Variants in LPGAT1 observed in about 807,000 individuals in gnomAD.
LPGAT1 encodes the protein acyl-CoA:lysophosphatidylglycerol acyltransferase 1.
LPGAT1 carries 11 observed loss-of-function variants against 47.5 expected under a neutral mutation model. The ratio of observed to expected loss-of-function variants is 0.23; its 90% confidence interval spans 0.15 to 0.38. The LOEUF is 0.38. Among genes scored for constraint, LPGAT1 ranks in the 10% least tolerant of loss-of-function variants. The pLI, the probability that LPGAT1 is intolerant of heterozygous loss-of-function variation, is 1.00. For synonymous variants in LPGAT1, 138 were observed against 144.2 expected (o/e 0.96, Z 0.31); for missense variants, 293 against 439.0 (o/e 0.67, Z 2.97).
chr1:211,781,491 T>A (rs951311553), intron 5 of LPGAT1, among the ~76,000 whole-genome samples: 1 of 152,210 alleles, frequency 6.6e-6, no homozygotes, highest in Non-Finnish European at 1.5e-5. Context: ...CCTTTTCTAT[T>A]AAAAGACTCT....
chr1:211,763,728 A>G (rs1323337826), intron 6 of LPGAT1, among the ~76,000 whole-genome samples: 1 of 152,218 alleles, frequency 6.6e-6, no homozygotes, highest in African/African-American at 2.4e-5. Context: ...TTCCATATAG[A>G]TTATAAATGT....
At chr1:211,792,819 C>A (rs932627760) in intron 3 of LPGAT1, among the ~76,000 whole-genome samples, 10 of 141,380 alleles carry the variant, frequency 7.1e-5, no homozygotes, top group African/African-American at 2.6e-4. Context: ...TCAAGCAATT[C>A]TCTTGCCTCA....
intron 3 of LPGAT1, among the ~76,000 whole-genome samples, chr1:211,789,657 G>A (rs1467876943): frequency 6.6e-6 from 1 of 152,042 alleles, no homozygotes; most frequent in Non-Finnish European, 1.5e-5. Flanking sequence ...TGAGGTGGGC[G>A]GATCACGAGG....
At chr1:211,790,002 G>C (rs748297337) in intron 3 of LPGAT1, among the ~76,000 whole-genome samples, 29 of 152,112 alleles carry the variant, frequency 1.9e-4, no homozygotes, top group Non-Finnish European at 3.7e-4. Flanking sequence ...CTGTCCCTCA[G>C]AACTTTTCCA....
intron 2 of LPGAT1, among the ~76,000 whole-genome samples, chr1:211,826,778 C>T (rs540426162): frequency 3.8e-4 from 58 of 152,170 alleles, no homozygotes; most frequent in African/African-American, 1.4e-3. Flanking sequence ...AAAGTTTTGG[C>T]AATTTTTATT....
At chr1:211,791,890 A>G (rs1193205459) in intron 3 of LPGAT1, among the ~76,000 whole-genome samples, 2 of 151,100 alleles carry the variant, frequency 1.3e-5, no homozygotes, top group African/African-American at 2.4e-5. Context: ...TACACTTCCT[A>G]TAGTCACTGA....
intron 6 of LPGAT1, among the ~76,000 whole-genome samples, chr1:211,766,596 T>C (rs1657926391): frequency 6.6e-6 from 1 of 152,220 alleles, no homozygotes; most frequent in South Asian, 2.1e-4. Context: ...GATGATGGGA[T>C]GTGAAAACAA....
chr1:211,799,890 A>T (rs1659503029), intron 2 of LPGAT1, among the ~76,000 whole-genome samples: 1 of 152,150 alleles, frequency 6.6e-6, no homozygotes, highest in Non-Finnish European at 1.5e-5. Context: ...CTGTTCACCC[A>T]GTCATCTGAA....
Position 211,745,176 on chromosome 1 carries a change from G to T in LPGAT1, c.*4723C>A, listed in dbSNP as rs1240669720. 2.0e-5 allele frequency: 3 copies of T among 152,578 alleles called. No individual in the cohort carries two copies. The highest frequency in any genetic ancestry group is 7.2e-5 in the African/African-American group (3 of 41,418). 9.5% of individuals were successfully genotyped at this position (152,578 alleles called of 1,614,324 possible). A position where few individuals can be genotyped will look rare whatever the true frequency, so the allele number is the denominator to read the frequency against. On this transcript the variant is annotated 3_prime_UTR_variant, in exon 8 of 8. Transcript: ENST00000366997. ...CAGCCCTTTACAAAAATTAATTACAGTTGCCACAGCCTTTACATTCATTCT... is the reference window on the plus strand; with the variant it reads ...CAGCCCTTTACAAAAATTAATTACATTTGCCACAGCCTTTACATTCATTCT...
chr1:211,775,462 T>C (rs977211818), intron 6 of LPGAT1, among the ~76,000 whole-genome samples: 1 of 152,214 alleles, frequency 6.6e-6, no homozygotes, highest in African/African-American at 2.4e-5. Flanking sequence ...ATTTTGTGGC[T>C]CTCAGCAGAC....
At chr1:211,750,834 G>A in intron 7 of LPGAT1, 127 bp downstream of exon 7, 2 of 650,746 alleles carry the variant, frequency 3.1e-6, no homozygotes, top group Non-Finnish European at 5.4e-6. Flanking sequence ...GAGGGGATTT[G>A]CTTCTCACAG....
intron 4 of LPGAT1, among the ~76,000 whole-genome samples, chr1:211,785,352 C>T (rs1278352357): frequency 6.6e-6 from 1 of 152,140 alleles, no homozygotes; most frequent in Admixed American, 6.5e-5. Context: ...GGTCTAGTAG[C>T]AAAGTCTCAA....
chr1:211,808,180 T>G (rs568913191), intron 2 of LPGAT1, among the ~76,000 whole-genome samples: 1 of 152,038 alleles, frequency 6.6e-6, no homozygotes, highest in African/African-American at 2.4e-5. Flanking sequence ...ACCCCGTCTC[T>G]ACTAAAAATA....
intron 2 of LPGAT1, among the ~76,000 whole-genome samples, chr1:211,821,543 G>C (rs1049421129): frequency 6.6e-6 from 1 of 152,188 alleles, no homozygotes; most frequent in South Asian, 2.1e-4. Context: ...AGAAAGCAGA[G>C]AGAAGTATAA....
intron 6 of LPGAT1, among the ~76,000 whole-genome samples, chr1:211,758,585 C>T (rs994936193): frequency 1.3e-5 from 2 of 152,100 alleles, no homozygotes; most frequent in Non-Finnish European, 2.9e-5. Flanking sequence ...TGCCTGTAGT[C>T]CCAGCTACTC....
chr1:211,778,492 T>C (rs1286214600), intron 6 of LPGAT1, among the ~76,000 whole-genome samples: 2 of 152,180 alleles, frequency 1.3e-5, no homozygotes, highest in African/African-American at 4.8e-5. Flanking sequence ...TTTTATTCCT[T>C]TACTTTCCTA....
intron 2 of LPGAT1, among the ~76,000 whole-genome samples, chr1:211,820,697 T>C (rs1051497777): frequency 6.6e-6 from 1 of 151,854 alleles, no homozygotes; most frequent in Non-Finnish European, 1.5e-5. Context: ...AAATAACAGA[T>C]ATAAAAGACA....
At chr1:211,750,644 T>C (rs894479380) in intron 7 of LPGAT1, among the ~76,000 whole-genome samples, 1 of 152,256 alleles carries the variant, frequency 6.6e-6, no homozygotes, top group Non-Finnish European at 1.5e-5. Context: ...ATATGCTTTA[T>C]GAAATGTATC....
intron 2 of LPGAT1, among the ~76,000 whole-genome samples, chr1:211,813,500 C>T (rs1039977012): frequency 6.6e-6 from 1 of 151,888 alleles, no homozygotes; most frequent in East Asian, 1.9e-4. Flanking sequence ...AATATGCAGG[C>T]CAAGAGGCAA....
Sources: gnomAD v4.1 joint callset for allele counts (sites outside exome capture counted in the v4.1 genomes callset) on GRCh38, gnomAD v4.1.1 for gene constraint, MANE v1.5 for transcripts, NCBI Gene and HGNC (gene_info 2026-07-23, HGNC 2026-07-21) for gene names.